Variants in SCFD1 observed in about 807,000 individuals in gnomAD.
The protein encoded by SCFD1 is sec1 family domain-containing protein 1.
SCFD1 carries 37 observed loss-of-function variants against 103.2 expected under a neutral mutation model. That is an observed-to-expected ratio of 0.36 (90% confidence interval 0.28 to 0.47). The LOEUF is 0.47. Ranked by LOEUF, SCFD1 falls within the 20% of genes least tolerant of loss-of-function variation. The pLI is 1.00. For missense variants in SCFD1, 639 were observed against 761.2 expected (o/e 0.84, Z 1.89); for synonymous variants, 264 against 245.0 (o/e 1.08, Z -0.73).
At chr14:30,637,066 A>G (rs1594573803) in intron 4 of SCFD1, among the ~76,000 whole-genome samples, 1 of 152,110 alleles carries the variant, frequency 6.6e-6, no homozygotes, top group East Asian at 1.9e-4. Context: ...TTTAGGAATC[A>G]GGATCTAGGC....
intron 23 of SCFD1, among the ~76,000 whole-genome samples, chr14:30,730,206 G>A (rs1893352319): frequency 6.6e-6 from 1 of 152,150 alleles, no homozygotes; most frequent in Non-Finnish European, 1.5e-5. Flanking sequence ...TTTTATGGCT[G>A]CATAGTATTC....
intron 21 of SCFD1, among the ~76,000 whole-genome samples, chr14:30,720,678 A>G (rs1892594223): frequency 6.6e-6 from 1 of 152,210 alleles, no homozygotes; most frequent in Non-Finnish European, 1.5e-5. Context: ...AATACTGTTT[A>G]TATAGCATTT....
At chr14:30,705,706 T>C (rs1487413226) in intron 17 of SCFD1, 117 bp from the exon 18 acceptor site, 1 of 713,462 alleles carries the variant, frequency 1.4e-6, no homozygotes, top group Non-Finnish European at 2.4e-6. Context: ...AAAAATTCTC[T>C]TTTCAGAAAA....
intron 16 of SCFD1, among the ~76,000 whole-genome samples, chr14:30,701,380 C>A (rs1891066177): frequency 6.6e-6 from 1 of 152,086 alleles, no homozygotes; most frequent in Non-Finnish European, 1.5e-5. Flanking sequence ...CATGGTGAAA[C>A]CCCATCTCTA....
intron 10 of SCFD1, chr14:30,658,033 A>C (rs571736384): frequency 2.4e-5 from 11 of 451,672 alleles, no homozygotes; most frequent in Non-Finnish European, 4.5e-5. Flanking sequence ...ATAAGAAGCA[A>C]AATTAGTAAT....
intron 23 of SCFD1, among the ~76,000 whole-genome samples, chr14:30,723,915 A>G (rs1892829742): frequency 1.3e-5 from 2 of 152,108 alleles, no homozygotes; most frequent in African/African-American, 4.8e-5. Flanking sequence ...GTATATACCC[A>G]GTAATGGGAT....
intron 2 of SCFD1, among the ~76,000 whole-genome samples, chr14:30,629,170 T>C (rs1883834966): frequency 6.6e-6 from 1 of 152,196 alleles, no homozygotes; most frequent in Non-Finnish European, 1.5e-5. Context: ...TCAGATACTT[T>C]TCCTACCCAT....
intron 19 of SCFD1, among the ~76,000 whole-genome samples, chr14:30,711,676 A>C (rs1891882675): frequency 6.6e-6 from 1 of 152,204 alleles, no homozygotes; most frequent in Non-Finnish European, 1.5e-5. Flanking sequence ...GCAGAAGAGA[A>C]TAAATCACTG....
intron 19 of SCFD1, among the ~76,000 whole-genome samples, chr14:30,713,629 T>A (rs2139384278): frequency 6.6e-6 from 1 of 152,338 alleles, no homozygotes; most frequent in African/African-American, 2.4e-5. Context: ...AGACTTCCAA[T>A]TATTTTCACA....
chr14:30,627,745 GAAAAAAA>G (rs11312585), intron 1 of SCFD1, among the ~76,000 whole-genome samples: 13 of 79,478 alleles, frequency 1.6e-4, no homozygotes, highest in Non-Finnish European at 3.1e-4. Flanking sequence ...CTCTGTCTCA[GAAAAAAA>G]AAAAAAAAAA....
intron 7 of SCFD1, among the ~76,000 whole-genome samples, chr14:30,646,677 T>C (rs562214417): frequency 6.6e-6 from 1 of 152,334 alleles, no homozygotes; most frequent in South Asian, 2.1e-4. Context: ...TTTTTTGGAA[T>C]AATATTAGTA....
At chr14:30,641,242 G>A (rs548794138) in intron 6 of SCFD1, among the ~76,000 whole-genome samples, 3 of 152,194 alleles carry the variant, frequency 2.0e-5, no homozygotes, top group South Asian at 4.1e-4. Flanking sequence ...TATTAATAGC[G>A]TGGTATTGAT....
chr14:30,666,861 G>T (rs1022423352), intron 10 of SCFD1, among the ~76,000 whole-genome samples: 2 of 152,138 alleles, frequency 1.3e-5, no homozygotes, highest in Non-Finnish European at 2.9e-5. Context: ...GGAAGAATTT[G>T]AATTGCTGAA....
At chr14:30,648,746 G>A (rs747076719) in intron 7 of SCFD1, among the ~76,000 whole-genome samples, 1 of 152,050 alleles carries the variant, frequency 6.6e-6, no homozygotes, top group East Asian at 1.9e-4. Flanking sequence ...ACAACCTTTC[G>A]AGTAGCTGGG....
At chr14:30,657,980 A>C (rs894340163) in intron 10 of SCFD1, 23 of 402,026 alleles carry the variant, frequency 5.7e-5, no homozygotes, top group Admixed American at 1.6e-4. Context: ...TAAAAAAAAA[A>C]AGAAAAAGCA....
chr14:30,666,529 A>C (rs1424957281), intron 10 of SCFD1, among the ~76,000 whole-genome samples: 2 of 152,168 alleles, frequency 1.3e-5, no homozygotes, highest in Non-Finnish European at 2.9e-5. Flanking sequence ...AAGCTAGCGG[A>C]AGGCAAGAAA....
chr14:30,729,820 A>G (rs1031740390), intron 23 of SCFD1, among the ~76,000 whole-genome samples: 13 of 151,990 alleles, frequency 8.6e-5, no homozygotes, highest in East Asian at 1.9e-4. Flanking sequence ...ATTTCTTTCA[A>G]TAATATTTTG....
intron 6 of SCFD1, among the ~76,000 whole-genome samples, chr14:30,642,869 A>G (rs1009900776): frequency 2.0e-5 from 3 of 152,106 alleles, no homozygotes; most frequent in African/African-American, 4.8e-5. Context: ...ATATTTATTC[A>G]TTTAAAAGAA....
chr14:30,704,592 C>A (rs1445633403), intron 17 of SCFD1, among the ~76,000 whole-genome samples: 4 of 152,190 alleles, frequency 2.6e-5, no homozygotes, highest in Non-Finnish European at 5.9e-5. Context: ...CTGAACAAGA[C>A]TGAAATTTTT....
Sources: allele counts gnomAD v4.1 joint callset (sites outside exome capture counted in the v4.1 genomes callset), GRCh38; gene constraint gnomAD v4.1.1; transcripts MANE v1.5; gene names NCBI Gene and HGNC (gene_info 2026-07-23, HGNC 2026-07-21).